Variants in COL5A1 observed in about 807,000 individuals in gnomAD.
COL5A1 encodes collagen alpha-1(V) chain.
Under a neutral mutation model 263.7 loss-of-function variants are expected in COL5A1, and 16 were observed. That is an observed-to-expected ratio of 0.06 (90% CI 0.04 to 0.09). COL5A1 has a LOEUF of 0.09. COL5A1 is among the 10% of genes least tolerant of loss of function. The pLI is 1.00. For synonymous variants in COL5A1, 1,012 were observed against 1,004.5 expected (o/e 1.01, Z -0.14); for missense variants, 2,036 against 2,540.5 (o/e 0.80, Z 4.27).
At chr9:134,762,727 C>T (rs950616466) in intron 19 of COL5A1, among the ~76,000 whole-genome samples, 1 of 152,130 alleles carries the variant, frequency 6.6e-6, no homozygotes, top group Non-Finnish European at 1.5e-5. Context: ...AGGAGCAGCT[C>T]CAGGGGCATT....
intron 13 of COL5A1, among the ~76,000 whole-genome samples, chr9:134,751,738 A>G (rs1835787685): frequency 6.6e-6 from 1 of 152,228 alleles, no homozygotes; most frequent in South Asian, 2.1e-4. Context: ...AGAAATATTT[A>G]TGCAGCTCCC....
At chr9:134,779,995 C>T in intron 27 of COL5A1, 107 bp from the exon 28 acceptor site, 1 of 1,272,406 alleles carries the variant, frequency 7.9e-7, no homozygotes, top group Non-Finnish European at 1.1e-6. Flanking sequence ...GCGCTGGCCT[C>T]ATCTGTCAGC....
In COL5A1 at chr9:134,652,572, G is replaced by T; in HGVS notation, c.109+10276G>T. 1 of 376,682 alleles carries T rather than the reference G, an allele frequency of 2.7e-6. No homozygotes were observed. The highest frequency in any genetic ancestry group is 5.7e-6 in the Non-Finnish European group (1 of 175,840). 23.3% of individuals were successfully genotyped at this position (376,682 alleles called of 1,614,324 possible). ...GGGGTGGGGGCAGGGCTATCGGCCT[G>T]TAGTTGGGGGAGTCCGAGGATGCTG... On this transcript the variant is annotated intron_variant, in intron 1 of 65. Transcript: ENST00000371817. This position sits in a 1 kb window ranked among gnomAD's most constrained non-coding sequence, Gnocchi z 4.4.
intron 4 of COL5A1, among the ~76,000 whole-genome samples, chr9:134,707,389 C>T (rs73564819): frequency 4.6e-5 from 7 of 152,278 alleles, no homozygotes; most frequent in South Asian, 2.1e-4. Flanking sequence ...TGAAAAACAC[C>T]GAGCGGTTTA....
chr9:134,798,040 G>A (rs1837976421), intron 36 of COL5A1, among the ~76,000 whole-genome samples: 1 of 152,214 alleles, frequency 6.6e-6, no homozygotes. Context: ...GCATGGCGGG[G>A]CTGGTGGGAG....
At chr9:134,694,767 G>T (rs998018586) in intron 2 of COL5A1, among the ~76,000 whole-genome samples, 1 of 152,164 alleles carries the variant, frequency 6.6e-6, no homozygotes, top group East Asian at 1.9e-4. Context: ...CCAGTGAAGC[G>T]GGGAGGGTTG....
intron 27 of COL5A1, among the ~76,000 whole-genome samples, chr9:134,778,892 G>A (rs867733490): frequency 2.6e-5 from 4 of 152,264 alleles, no homozygotes; most frequent in Non-Finnish European, 5.9e-5. Flanking sequence ...TGGCACTGGA[G>A]TGGAAGGCGT....
intron 4 of COL5A1, among the ~76,000 whole-genome samples, chr9:134,721,958 G>C (rs1462022304): frequency 6.6e-6 from 1 of 152,228 alleles, no homozygotes; most frequent in Non-Finnish European, 1.5e-5. Context: ...CAGGATCCAG[G>C]TCTAGAGCGA....
intron 59 of COL5A1, 27 bp downstream of exon 59, chr9:134,822,177 T>C: frequency 1.3e-6 from 2 of 1,551,614 alleles, no homozygotes; most frequent in Non-Finnish European, 1.8e-6. Context: ...GGCTTGGTCA[T>C]TCCTGGGAGG....
intron 1 of COL5A1, chr9:134,649,586 T>G (rs550374040): frequency 2.3e-6 from 1 of 442,444 alleles, no homozygotes; most frequent in Non-Finnish European, 4.5e-6. Flanking sequence ...CTTTTTTTTC[T>G]GTAAATAAAT....
chr9:134,815,701 C>G (rs1838719505), intron 51 of COL5A1, 72 bp downstream of exon 51: 2 of 1,526,472 alleles, frequency 1.3e-6, no homozygotes. Context: ...CCCATTTCCC[C>G]TCTTTCTGGT....
intron 1 of COL5A1, among the ~76,000 whole-genome samples, chr9:134,670,056 G>A (rs1379333808): frequency 2.6e-5 from 4 of 152,142 alleles, no homozygotes; most frequent in East Asian, 1.9e-4. Context: ...GTGCAGAAAC[G>A]GTGTTGTGCC....
rs1458502421 is a variant in COL5A1 at position 134,647,411 on chromosome 9, G to C, written c.109+5115G>C. On this transcript the variant is annotated intron_variant, in intron 1 of 65. Transcript: ENST00000371817. The surrounding 1 kb of genome is among the most constrained non-coding windows in gnomAD (Gnocchi z 5.0). ...TGTGTGTGTGTCAGGCCGTGTGCAC[G>C]TGTGGACAATGTGTATATCTCCCCG... 6.6e-6 allele frequency among the ~76,000 whole-genome samples: 1 copy of C among 152,120 alleles called. No individual in the cohort carries two copies. The highest frequency in any genetic ancestry group is 1.5e-5 in the Non-Finnish European group (1 of 68,004).
In COL5A1 at chr9:134,774,727, C is replaced by T. The variant is rs1367749139; in HGVS notation, c.2332-132C>T. The T allele has an allele frequency of 1.4e-5, 13 of 919,186 alleles. No homozygotes were observed. The African/African-American group carries it at 1.5e-4, about 10-fold the overall frequency. The allele number at this position is 919,186 out of a possible 1,614,324, so 56.9% of individuals were successfully genotyped here. ...TGCGAGTCTCCCACGGGGGGCCTCT[C>T]TGGAGGCTCTGAGCTGGGATGTTCG... On this transcript the variant is annotated intron_variant, in intron 26 of 65. Coordinates refer to ENST00000371817, the MANE Select transcript of COL5A1 (RefSeq NM_000093.5).
chr9:134,750,999 C>G (rs1019511163), intron 13 of COL5A1, 117 bp downstream of exon 13: 132 of 896,090 alleles, frequency 1.5e-4, no homozygotes, highest in Admixed American at 4.6e-4. Context: ...TGTCTTGATC[C>G]CAGAATGCCT....
rs1486228769 is a variant in COL5A1, at chr9:134,742,631, G to A, written c.1494+3823G>A. On this transcript the variant is annotated intron_variant, in intron 11 of 65. Coordinates refer to ENST00000371817, the MANE Select transcript of COL5A1 (RefSeq NM_000093.5). The surrounding 1 kb of genome is among the most constrained non-coding windows in gnomAD (Gnocchi z 4.6). Reference sequence around the variant, plus strand: ...CTGGGAGTCCCCAAGTGAGCTGCAGGCCAGGTGGCCGTTACTCAGCCCCTC... The same window carrying A: ...CTGGGAGTCCCCAAGTGAGCTGCAGACCAGGTGGCCGTTACTCAGCCCCTC... Among the ~76,000 whole-genome samples the A allele has an allele frequency of 6.6e-6, 1 of 152,210 alleles. No homozygotes were observed. The highest frequency in any genetic ancestry group is 2.4e-5 in the African/African-American group (1 of 41,458).
intron 18 of COL5A1, among the ~76,000 whole-genome samples, chr9:134,760,037 C>G (rs1300271169): frequency 5.0e-4 from 61 of 121,148 alleles, no homozygotes; most frequent in African/African-American, 1.8e-3. Flanking sequence ...CACGCACACA[C>G]GCACATACAC....
At chr9:134,651,149 T>C (rs1328071700) in intron 1 of COL5A1, among the ~76,000 whole-genome samples, 2 of 152,224 alleles carry the variant, frequency 1.3e-5, no homozygotes, top group African/African-American at 2.4e-5. Flanking sequence ...ACCTGAAGCC[T>C]CTGCCTCGGT....
At chr9:134,811,287 GCCTT>G (rs1222366210) in intron 44 of COL5A1, 48 bp from the exon 45 acceptor site, 71 of 1,568,202 alleles carry the variant, frequency 4.5e-5, no homozygotes, top group Admixed American at 1.5e-4. Context: ...CCCTCCCTCA[GCCTT>G]ATCCACGATC....
Sources: allele counts gnomAD v4.1 joint callset (sites outside exome capture counted in the v4.1 genomes callset), GRCh38; gene constraint gnomAD v4.1.1; non-coding constraint Gnocchi (gnomAD v3.1); transcripts MANE v1.5; gene names NCBI Gene and HGNC (gene_info 2026-07-23, HGNC 2026-07-21).